The following KIF18A variants were observed in gnomAD, a reference collection of about 807,000 sequenced individuals.
KIF18A encodes the protein kinesin-like protein KIF18A.
Under a neutral mutation model 103.3 loss-of-function variants are expected in KIF18A, and 67 were observed. The observed-to-expected ratio is 0.65, with a 90% confidence interval of 0.53 to 0.79. The LOEUF (loss-of-function observed/expected upper bound fraction) is 0.79. KIF18A is among the 30% of genes least tolerant of loss of function. The pLI, the probability that KIF18A is intolerant of heterozygous loss-of-function variation, is 0.00. For synonymous variants in KIF18A, 367 were observed against 355.5 expected, an observed-to-expected ratio of 1.03 and a Z score of -0.36; for missense variants, 1,032 against 1,062.5, an observed-to-expected ratio of 0.97 and a Z score of 0.40.
intron 15 of KIF18A, among the ~76,000 whole-genome samples, chr11:28,025,090 T>C (rs1225921310): frequency 7.2e-5 from 11 of 152,098 alleles, no homozygotes; most frequent in Non-Finnish European, 1.5e-4. Flanking sequence ...AAATATCTTA[T>C]TGTTCTACAA....
intron 13 of KIF18A, among the ~76,000 whole-genome samples, chr11:28,046,838 G>A (rs1483710852): frequency 6.6e-6 from 1 of 150,562 alleles, no homozygotes; most frequent in African/African-American, 2.4e-5. Context: ...GATCACCGGA[G>A]GTCAGGAGTT....
At chr11:28,066,946 C>G (rs1590691319) in intron 11 of KIF18A, among the ~76,000 whole-genome samples, 1 of 151,540 alleles carries the variant, frequency 6.6e-6, no homozygotes, top group Non-Finnish European at 1.5e-5. Context: ...TATTTATCAT[C>G]CATTATTATT....
In KIF18A at chr11:28,022,471, G is replaced by C. The variant is rs1434381721; in HGVS notation, c.2615-1189C>G. The stretch of plus-strand genomic sequence containing the variant: ...TTTGGTAGAGACGGGGTTTCACCAT[G>C]TTAGCCAGGATGGTCTCGATCTCCT... On this transcript the variant is annotated intron_variant, in intron 16 of 16. Transcript: ENST00000263181. 7.2e-5 allele frequency among the ~76,000 whole-genome samples: 11 copies of C among 152,166 alleles called. No homozygotes were observed. In the East Asian group the frequency reaches 2.1e-3, roughly 30 times the overall value.
At chr11:28,031,677 T>TA (rs372568437) in intron 15 of KIF18A, among the ~76,000 whole-genome samples, 3,130 of 130,900 alleles carry the variant, frequency 0.024, 48 homozygotes, top group Middle Eastern at 0.037. Flanking sequence ...ACTTAAAGCA[T>TA]AAAAAAAAAA....
chr11:28,073,619 C>T (rs1851051221), intron 10 of KIF18A, among the ~76,000 whole-genome samples: 2 of 152,190 alleles, frequency 1.3e-5, no homozygotes, highest in Admixed American at 1.3e-4. Context: ...ATCTCATAGG[C>T]TTGTTATAAA....
chr11:28,060,804 G>C (rs1010303193), intron 12 of KIF18A, among the ~76,000 whole-genome samples: 2 of 152,174 alleles, frequency 1.3e-5, no homozygotes, highest in Non-Finnish European at 2.9e-5. Context: ...CATCCTGGCA[G>C]AAAGTGCCTA....
At chr11:28,053,834 CAT>C (rs1256483067) in intron 13 of KIF18A, among the ~76,000 whole-genome samples, 7 of 151,344 alleles carry the variant, frequency 4.6e-5, no homozygotes, top group African/African-American at 1.7e-4. Flanking sequence ...ACATGGTACT[CAT>C]AGTATTCTTT....
intron 13 of KIF18A, among the ~76,000 whole-genome samples, chr11:28,054,327 C>T (rs1174701894): frequency 1.3e-5 from 2 of 151,800 alleles, no homozygotes; most frequent in African/African-American, 4.8e-5. Flanking sequence ...CCTCCCAGTT[C>T]AGCCTCCCAA....
At chr11:28,054,423 C>T (rs1850752481) in intron 13 of KIF18A, among the ~76,000 whole-genome samples, 1 of 152,146 alleles carries the variant, frequency 6.6e-6, no homozygotes, top group African/African-American at 2.4e-5. Context: ...GTTGCTCAGG[C>T]TGGTCTTGAA....
At chr11:28,095,657 G>C (rs1002093240) in intron 2 of KIF18A, among the ~76,000 whole-genome samples, 2 of 151,910 alleles carry the variant, frequency 1.3e-5, no homozygotes, top group Admixed American at 1.3e-4. Flanking sequence ...GAATTACTTT[G>C]TTTCCTAGAT....
chr11:28,094,628 A>G lies in KIF18A; in HGVS notation c.483+15T>C, dbSNP rs969595853. ...ATTTCCCAAAACTATTGATTAATCT[A>G]AATTCCCAACTTACCTCCAGATATG... On this transcript the variant is annotated intron_variant, in intron 3 of 16. Coordinates refer to ENST00000263181, the MANE Select transcript of KIF18A (RefSeq NM_031217.4). 2.6e-5 allele frequency: 41 copies of G among 1,584,804 alleles called. No homozygotes were observed. The Admixed American group carries it at 5.4e-4, about 21-fold the overall frequency.
At chr11:28,083,667 T>A (rs2133553560) in intron 7 of KIF18A, among the ~76,000 whole-genome samples, 1 of 152,204 alleles carries the variant, frequency 6.6e-6, no homozygotes, top group African/African-American at 2.4e-5. Context: ...TAAATCCAAA[T>A]ACTTGATATT....
chr11:28,097,865 G>T lies in KIF18A; in HGVS notation c.83C>A (p.Ala28Asp). The change falls in exon 2 of 17, where the codon GCT (alanine) becomes GAT (aspartate). Residue 28 changes from alanine to aspartate, a missense_variant. Ala to Asp is a moderately radical substitution (Grantham distance 126). Coordinates refer to ENST00000263181, the MANE Select transcript of KIF18A (RefSeq NM_031217.4). The part of the protein sequence containing the change: ...VRPENTKEKA[A>D]GFHKVVHVVD... ...AACATGAACCACTTTATGAAATCCA[G>T]CTGCTTTTTCTTTAGTGTTTTCCGG... 1 of 1,611,626 alleles carries T rather than the reference G, an allele frequency of 6.2e-7. No individual in the cohort carries two copies. Among genetic ancestry groups the T allele is most frequent in the Non-Finnish European group, 8.5e-7 (1 of 1,179,188 alleles).
intron 13 of KIF18A, among the ~76,000 whole-genome samples, chr11:28,055,342 G>A (rs1850765743): frequency 6.6e-6 from 1 of 152,122 alleles, no homozygotes; most frequent in Non-Finnish European, 1.5e-5. Context: ...TGAAGGCACT[G>A]GATTATTAAT....
At chr11:28,054,996 A>T (rs1681434045) in intron 13 of KIF18A, among the ~76,000 whole-genome samples, 1 of 152,170 alleles carries the variant, frequency 6.6e-6, no homozygotes, top group Non-Finnish European at 1.5e-5. Flanking sequence ...GTATTTCTCA[A>T]TCTTGGTGTT....
chr11:28,072,517 A>G (rs1447268473), intron 10 of KIF18A, among the ~76,000 whole-genome samples: 1 of 152,162 alleles, frequency 6.6e-6, no homozygotes, highest in Non-Finnish European at 1.5e-5. Flanking sequence ...CAGTTTACTC[A>G]TACTACAGTT....
intron 3 of KIF18A, among the ~76,000 whole-genome samples, chr11:28,092,439 T>C (rs1851319028): frequency 6.6e-6 from 1 of 152,158 alleles, no homozygotes; most frequent in Non-Finnish European, 1.5e-5. Flanking sequence ...GTCATAAAGG[T>C]ATTAGCAGAG....
intron 2 of KIF18A, among the ~76,000 whole-genome samples, chr11:28,095,753 C>T (rs1018158978): frequency 3.9e-5 from 6 of 152,168 alleles, no homozygotes; most frequent in Middle Eastern, 6.8e-3. Context: ...CTCATCCCTA[C>T]AATCCCAGTA....
intron 5 of KIF18A, 99 bp downstream of exon 5, chr11:28,090,518 A>C: frequency 2.8e-6 from 2 of 718,150 alleles, no homozygotes; most frequent in Non-Finnish European, 4.9e-6. Flanking sequence ...TGAAGTCTAC[A>C]GACAGATTTT....
Sources: allele counts gnomAD v4.1 joint callset (sites outside exome capture counted in the v4.1 genomes callset), GRCh38; gene constraint gnomAD v4.1.1; transcripts MANE v1.5; gene names NCBI Gene and HGNC (gene_info 2026-07-23, HGNC 2026-07-21).